The following SLC4A10 variants were observed in gnomAD, a reference collection of about 807,000 sequenced individuals.
SLC4A10 encodes the protein sodium-driven chloride bicarbonate exchanger.
In SLC4A10, 42 loss-of-function variants were observed where a neutral mutation model predicts 137.7. That is an observed-to-expected ratio of 0.30 (90% CI 0.24 to 0.39). SLC4A10 has a LOEUF of 0.39. Among genes scored for constraint, SLC4A10 ranks in the 10% least tolerant of loss-of-function variants. The pLI is 1.00. For synonymous variants in SLC4A10, 474 were observed against 464.1 expected, an observed-to-expected ratio of 1.02 and a Z score of -0.27; for missense variants, 925 against 1,355.0, an observed-to-expected ratio of 0.68 and a Z score of 4.98.
At chr2:161,804,336 C>A (rs1182797333) in intron 2 of SLC4A10, 113 bp from the exon 3 acceptor site, 6 of 1,203,096 alleles carry the variant, frequency 5.0e-6, no homozygotes, top group East Asian at 2.5e-5. Flanking sequence ...TCATAAACAT[C>A]AAAAATGACT....
At chr2:161,891,705 T>C (rs532263178) in intron 10 of SLC4A10, among the ~76,000 whole-genome samples, 150 of 152,146 alleles carry the variant, frequency 9.9e-4, no homozygotes, top group Middle Eastern at 3.4e-3. Flanking sequence ...CTAACCTTTC[T>C]TCAAGGTTCT....
intron 4 of SLC4A10, among the ~76,000 whole-genome samples, chr2:161,841,669 A>G (rs773908387): frequency 6.6e-6 from 1 of 151,982 alleles, no homozygotes; most frequent in Non-Finnish European, 1.5e-5. Context: ...TCCTTTATTT[A>G]AAAAACACTA....
chr2:161,968,971 G>A (rs1163468552), intron 23 of SLC4A10, among the ~76,000 whole-genome samples: 1 of 152,182 alleles, frequency 6.6e-6, no homozygotes. Flanking sequence ...AGTCTTCTAA[G>A]AGATTGTGTG....
At chr2:161,757,223 T>A (rs775819340) in intron 1 of SLC4A10, among the ~76,000 whole-genome samples, 7 of 152,164 alleles carry the variant, frequency 4.6e-5, no homozygotes, top group Non-Finnish European at 1.0e-4. Flanking sequence ...TATTCCCATG[T>A]AACAAAACTG....
intron 1 of SLC4A10, among the ~76,000 whole-genome samples, chr2:161,729,873 C>T (rs2125172435): frequency 6.6e-6 from 1 of 152,146 alleles, no homozygotes; most frequent in East Asian, 1.9e-4. Flanking sequence ...ATTGGTGAGG[C>T]CACGTCAGTT....
intron 1 of SLC4A10, among the ~76,000 whole-genome samples, chr2:161,658,438 A>G (rs1000900003): frequency 6.6e-6 from 1 of 152,082 alleles, no homozygotes; most frequent in African/African-American, 2.4e-5. Flanking sequence ...AGCTTAATGG[A>G]TAGTAATTTT....
chr2:161,681,892 T>C (rs2040891519), intron 1 of SLC4A10, among the ~76,000 whole-genome samples: 1 of 152,156 alleles, frequency 6.6e-6, no homozygotes, highest in South Asian at 2.1e-4. Context: ...AGTATTGCCA[T>C]ACCTATCCTT....
At chr2:161,776,407 T>G (rs2052338950) in intron 2 of SLC4A10, among the ~76,000 whole-genome samples, 1 of 151,964 alleles carries the variant, frequency 6.6e-6, no homozygotes, top group Non-Finnish European at 1.5e-5. Flanking sequence ...TACCTTCTGT[T>G]TCTGTGAATT....
At chr2:161,719,611 G>T (rs1447102272) in intron 1 of SLC4A10, among the ~76,000 whole-genome samples, 1 of 152,116 alleles carries the variant, frequency 6.6e-6, no homozygotes, top group Admixed American at 6.5e-5. Flanking sequence ...GTGTGAGATG[G>T]TATCTCATTG....
chr2:161,977,222 CT>C (rs1339418801), intron 25 of SLC4A10: 4 of 289,964 alleles, frequency 1.4e-5, no homozygotes, highest in African/African-American at 4.5e-5. Flanking sequence ...TTTATTTTCC[CT>C]TTTTTAGACT....
intron 15 of SLC4A10, 87 bp from the exon 16 acceptor site, chr2:161,942,705 G>A: frequency 1.0e-6 from 1 of 952,730 alleles, no homozygotes; most frequent in Non-Finnish European, 1.6e-6. Context: ...TGCTGTGACT[G>A]GAGAAAATGG....
intron 1 of SLC4A10, among the ~76,000 whole-genome samples, chr2:161,714,028 G>C (rs1346884285): frequency 6.6e-6 from 1 of 151,760 alleles, no homozygotes; most frequent in African/African-American, 2.4e-5. Context: ...TATGTCAGAA[G>C]TAAAACTCCT....
chr2:161,982,055 G>A (rs1700291959), intron 26 of SLC4A10, among the ~76,000 whole-genome samples: 1 of 152,182 alleles, frequency 6.6e-6, no homozygotes, highest in African/African-American at 2.4e-5. Flanking sequence ...AGGCCCCATA[G>A]AAAAATGGAG....
chr2:161,953,570 T>C (rs1398391113), intron 19 of SLC4A10, among the ~76,000 whole-genome samples: 3 of 151,860 alleles, frequency 2.0e-5, no homozygotes. Flanking sequence ...ATCATGCCAT[T>C]GCACCCTGGC....
intron 15 of SLC4A10, among the ~76,000 whole-genome samples, chr2:161,917,888 A>G (rs141369798): frequency 0.011 from 1,710 of 152,282 alleles, 16 homozygotes; most frequent in South Asian, 0.024. Flanking sequence ...CAAATGAATG[A>G]ATTTTGAATG....
chr2:161,916,054 C>G (rs1687047065), intron 15 of SLC4A10, among the ~76,000 whole-genome samples: 1 of 152,172 alleles, frequency 6.6e-6, no homozygotes, highest in African/African-American at 2.4e-5. Flanking sequence ...AGAGAGGACT[C>G]AGAGGAGACC....
At chr2:161,730,354 G>A (rs879545984) in intron 1 of SLC4A10, among the ~76,000 whole-genome samples, 4 of 152,110 alleles carry the variant, frequency 2.6e-5, no homozygotes, top group Non-Finnish European at 5.9e-5. Flanking sequence ...TGAAATAATA[G>A]GGAGACAGAT....
intron 2 of SLC4A10, among the ~76,000 whole-genome samples, chr2:161,773,579 G>C (rs1027331017): frequency 2.0e-5 from 3 of 151,814 alleles, no homozygotes; most frequent in Non-Finnish European, 4.4e-5. Context: ...GGAGTTATGT[G>C]TATATATTTA....
At chr2:161,705,390 C>G (rs1245048436) in intron 1 of SLC4A10, among the ~76,000 whole-genome samples, 1 of 151,432 alleles carries the variant, frequency 6.6e-6, no homozygotes, top group Admixed American at 6.6e-5. Context: ...AGATGAAAAG[C>G]AAGAGCTAAA....
Sources: gnomAD v4.1 joint callset for allele counts (sites outside exome capture counted in the v4.1 genomes callset) on GRCh38, gnomAD v4.1.1 for gene constraint, MANE v1.5 for transcripts, NCBI Gene and HGNC (gene_info 2026-07-23, HGNC 2026-07-21) for gene names.